The following CAMKMT variants were observed in gnomAD, a reference collection of about 807,000 sequenced individuals.
CAMKMT encodes CaM KMT.
CAMKMT carries 53 observed loss-of-function variants against 48.0 expected under a neutral mutation model. The observed-to-expected ratio is 1.10, with a 90% CI of 0.89 to 1.39. The LOEUF is 1.39. CAMKMT is among the 40% of genes most tolerant of loss of function. The probability of loss-of-function intolerance (pLI) is 0.00; values close to 1 mark genes in which losing one functional copy is unlikely to be tolerated. For missense variants in CAMKMT, 428 were observed against 402.7 expected (o/e 1.06, Z -0.54); for synonymous variants, 165 against 152.3 (o/e 1.08, Z -0.61).
At chr2:44,690,201 C>T (rs192527873) in intron 3 of CAMKMT, among the ~76,000 whole-genome samples, 40 of 152,260 alleles carry the variant, frequency 2.6e-4, no homozygotes, top group Admixed American at 1.8e-3. Context: ...TTTAAAATGT[C>T]ACAGGCTAGA....
At chr2:44,655,543 G>A (rs1674331587) in intron 3 of CAMKMT, among the ~76,000 whole-genome samples, 1 of 152,144 alleles carries the variant, frequency 6.6e-6, no homozygotes, top group South Asian at 2.1e-4. Context: ...AAGTGAAAGT[G>A]ACTCATTACA....
chr2:44,532,591 C>T (rs1000800468), intron 3 of CAMKMT, among the ~76,000 whole-genome samples: 4 of 152,058 alleles, frequency 2.6e-5, no homozygotes, highest in Admixed American at 1.3e-4. Flanking sequence ...TGGAAATAAA[C>T]AGTGACAATG....
intron 3 of CAMKMT, among the ~76,000 whole-genome samples, chr2:44,560,885 G>T (rs76559416): frequency 0.024 from 3,598 of 152,248 alleles, 154 homozygotes; most frequent in African/African-American, 0.083. Flanking sequence ...GAATTCACTT[G>T]AAGTGACTTC....
intron 6 of CAMKMT, among the ~76,000 whole-genome samples, chr2:44,707,734 T>G (rs1186354687): frequency 1.3e-5 from 2 of 152,234 alleles, no homozygotes; most frequent in African/African-American, 4.8e-5. Flanking sequence ...TGTTTCATAA[T>G]AATTTTCAAG....
At chr2:44,555,522 C>G (rs1667959702) in intron 3 of CAMKMT, among the ~76,000 whole-genome samples, 1 of 152,004 alleles carries the variant, frequency 6.6e-6, no homozygotes, top group Admixed American at 6.6e-5. Context: ...AAGAGCTTTC[C>G]CAATAGGCCT....
chr2:44,623,319 C>T (rs2103941105), intron 3 of CAMKMT, among the ~76,000 whole-genome samples: 1 of 152,186 alleles, frequency 6.6e-6, no homozygotes, highest in East Asian at 1.9e-4. Context: ...TGCAGAAGCT[C>T]TTTAGTTTAC....
chr2:44,389,267 A>G (rs1468384644), intron 2 of CAMKMT, among the ~76,000 whole-genome samples: 1 of 152,024 alleles, frequency 6.6e-6, no homozygotes, highest in African/African-American at 2.4e-5. Flanking sequence ...GGCCCACCCT[A>G]ATGACCCTAT....
In CAMKMT at chr2:44,367,878, AT is replaced by A. The variant is rs553822838; in HGVS notation, c.139-4834del. On this transcript the variant is annotated intron_variant, in intron 1 of 10. Coordinates refer to ENST00000378494, the MANE Select transcript of CAMKMT (RefSeq NM_024766.5). Reference sequence around the variant, plus strand: ...GGGCATCTAGCTACTCTTCTAAAAGATTTTCAACCAATACTTTTGTGTTTAG... The same window carrying A: ...GGGCATCTAGCTACTCTTCTAAAAGATTTCAACCAATACTTTTGTGTTTAG... Among the ~76,000 whole-genome samples, 22 of 152,304 alleles carry A rather than the reference AT, an allele frequency of 1.4e-4. No homozygotes were observed. The South Asian group carries it at 2.7e-3, about 19-fold the overall frequency.
chr2:44,688,865 T>C (rs1189257501), intron 3 of CAMKMT, among the ~76,000 whole-genome samples: 5 of 152,218 alleles, frequency 3.3e-5, no homozygotes, highest in Admixed American at 3.3e-4. Context: ...GTTTAATGAA[T>C]GTGTTCTGTT....
intron 3 of CAMKMT, among the ~76,000 whole-genome samples, chr2:44,701,594 G>T (rs1014613795): frequency 2.0e-5 from 3 of 152,166 alleles, no homozygotes; most frequent in Admixed American, 6.6e-5. Context: ...GTTGGGAAAA[G>T]ATGGGTTGTC....
At chr2:44,638,549 C>T (rs997739417) in intron 3 of CAMKMT, among the ~76,000 whole-genome samples, 8 of 152,172 alleles carry the variant, frequency 5.3e-5, no homozygotes, top group Non-Finnish European at 7.3e-5. Flanking sequence ...GTAATACTTC[C>T]TCAGAGTATC....
At chr2:44,729,367 A>G (rs1678962376) in intron 7 of CAMKMT, among the ~76,000 whole-genome samples, 1 of 152,208 alleles carries the variant, frequency 6.6e-6, no homozygotes, top group South Asian at 2.1e-4. Context: ...ATCTTAGAAA[A>G]TGTCTGTGTG....
At chr2:44,374,419 A>G (rs1679478680) in intron 2 of CAMKMT, among the ~76,000 whole-genome samples, 1 of 152,224 alleles carries the variant, frequency 6.6e-6, no homozygotes, top group African/African-American at 2.4e-5. Flanking sequence ...AGGAAATGAA[A>G]GACAAGAAAG....
intron 2 of CAMKMT, among the ~76,000 whole-genome samples, chr2:44,376,573 A>G (rs1390397206): frequency 6.6e-6 from 1 of 152,188 alleles, no homozygotes; most frequent in Non-Finnish European, 1.5e-5. Flanking sequence ...AGCACTTGTT[A>G]TCAATACCTA....
intron 3 of CAMKMT, among the ~76,000 whole-genome samples, chr2:44,503,252 A>G (rs1451263060): frequency 1.3e-5 from 2 of 152,148 alleles, no homozygotes; most frequent in Non-Finnish European, 1.5e-5. Flanking sequence ...AAACAATGGA[A>G]GTACTTCTGA....
chr2:44,402,390 A>G (rs1316748180), intron 3 of CAMKMT, among the ~76,000 whole-genome samples: 1 of 151,626 alleles, frequency 6.6e-6, no homozygotes, highest in Non-Finnish European at 1.5e-5. Flanking sequence ...TTTTACAGTA[A>G]TGTGTCATAG....
At chr2:44,511,213 A>G (rs935197118) in intron 3 of CAMKMT, among the ~76,000 whole-genome samples, 3 of 152,150 alleles carry the variant, frequency 2.0e-5, no homozygotes, top group African/African-American at 7.2e-5. Context: ...TACGATATTT[A>G]GTTTTCCATT....
chr2:44,448,996 C>T (rs1476988423), intron 3 of CAMKMT, among the ~76,000 whole-genome samples: 1 of 151,948 alleles, frequency 6.6e-6, no homozygotes, highest in Non-Finnish European at 1.5e-5. Flanking sequence ...GGAGTATGGA[C>T]GGAATGGGGT....
Position 44,397,070 on chromosome 2 carries a change from A to G in CAMKMT, c.376+6765A>G, listed in dbSNP as rs1417538392. On this transcript the variant is annotated intron_variant, in intron 3 of 10. Transcript: ENST00000378494. The stretch of plus-strand genomic sequence containing the variant: ...TGAGACTCCATCTCAAAAAAAAAAA[A>G]AAAAAGAAAAAGTACACAATATTTT... 2.0e-5 allele frequency among the ~76,000 whole-genome samples: 3 copies of G among 152,036 alleles called. No individual in the cohort carries two copies. In the East Asian group the frequency reaches 5.8e-4, roughly 29 times the overall value.
Sources: gnomAD v4.1 joint callset for allele counts (sites outside exome capture counted in the v4.1 genomes callset) on GRCh38, gnomAD v4.1.1 for gene constraint, MANE v1.5 for transcripts, NCBI Gene and HGNC (gene_info 2026-07-23, HGNC 2026-07-21) for gene names.